Variants in LRRC19 observed in about 807,000 individuals in gnomAD.
The protein encoded by LRRC19 is leucine-rich repeat-containing protein 19.
LRRC19 carries 33 observed loss-of-function variants against 33.3 expected under a neutral mutation model. The ratio of observed to expected loss-of-function variants is 0.99; its 90% CI spans 0.75 to 1.33. The LOEUF (loss-of-function observed/expected upper bound fraction) is 1.33. Ranked by LOEUF, LRRC19 falls within the 40% of genes most tolerant of loss-of-function variation. The pLI is 0.00. For synonymous variants in LRRC19, 184 were observed against 152.3 expected, an observed-to-expected ratio of 1.21 and a Z score of -1.53; for missense variants, 463 against 417.3, an observed-to-expected ratio of 1.11 and a Z score of -0.95.
intron 2 of LRRC19, among the ~76,000 whole-genome samples, chr9:26,999,168 A>T (rs1437792746): frequency 6.6e-6 from 1 of 152,202 alleles, no homozygotes; most frequent in Admixed American, 6.5e-5. Flanking sequence ...CTTTATGTGG[A>T]TATAGATGGA....
Position 26,996,319 on chromosome 9 carries a change from CTTG to C in LRRC19, c.773_775del (p.Thr258del), listed in dbSNP as rs1462099395. ...TAGAACCAGTATATTACCTGAATTT[CTTG>C]TTAAGTTGTTCGAAGAGCTATTAAA... On this transcript the variant is annotated inframe_deletion, in exon 4 of 5. Transcript: ENST00000380055. 1 of 1,580,854 alleles carries C rather than the reference CTTG, an allele frequency of 6.3e-7. No homozygotes were observed. Among genetic ancestry groups the C allele is most frequent in the Non-Finnish European group, 8.6e-7 (1 of 1,156,960 alleles).
rs907411282 is a variant in LRRC19 at position 26,994,706 on chromosome 9, T to C, written c.*815A>G. ...ACAATTTGGGAAACATTGCTCTATC[T>C]ACTGAATAGATAGAAATAGCTGTCC... On this transcript the variant is annotated 3_prime_UTR_variant, in exon 5 of 5. Transcript: ENST00000380055. The C allele has an allele frequency of 6.6e-6, 1 of 152,624 alleles. No homozygotes were observed. Among genetic ancestry groups the C allele is most frequent in the Admixed American group, 6.5e-5 (1 of 15,272 alleles). The allele number at this position is 152,624 out of a possible 1,614,324, so 9.5% of individuals were successfully genotyped here.
At chr9:27,001,190 T>A (rs1180915676) in intron 1 of LRRC19, among the ~76,000 whole-genome samples, 6 of 152,190 alleles carry the variant, frequency 3.9e-5, no homozygotes, top group Non-Finnish European at 7.3e-5. Context: ...CTACTTTTTT[T>A]TAATCCATTC....
intron 1 of LRRC19, among the ~76,000 whole-genome samples, chr9:27,004,817 AC>A (rs1298235651): frequency 1.3e-5 from 2 of 152,174 alleles, no homozygotes; most frequent in African/African-American, 4.8e-5. Flanking sequence ...TCACAAAATT[AC>A]GTGCATTTTT....
Position 26,995,599 on chromosome 9 carries a change from T to C in LRRC19, c.1035A>G (p.Leu345=). Residue 345 remains leucine, a synonymous_variant, in exon 5 of 5, where the codon TTA becomes TTG. Coordinates refer to ENST00000380055, the MANE Select transcript of LRRC19 (RefSeq NM_022901.3). ...CATCATCATCTACCACAAATGAATG[T>C]AATTGTTCAAATATTACTGTAGTTT... ...SEETTVIFEQ[L]HSFVVDDDGF... is the part of the protein sequence containing the mutation. The C allele has an allele frequency of 6.2e-7, 1 of 1,607,346 alleles. No homozygotes were observed. Among genetic ancestry groups the C allele is most frequent in the Non-Finnish European group, 8.5e-7 (1 of 1,173,956 alleles).
intron 1 of LRRC19, among the ~76,000 whole-genome samples, 163 bp from the exon 2 acceptor site, chr9:26,999,866 G>GGCT (rs1828384413): frequency 1.4e-5 from 2 of 144,014 alleles, no homozygotes; most frequent in African/African-American, 5.2e-5. Context: ...TGATCTCCCA[G>GGCT]GCTTAAGCAG....
At chr9:26,996,844 T>A (rs1382773902) in intron 3 of LRRC19, among the ~76,000 whole-genome samples, 1 of 152,174 alleles carries the variant, frequency 6.6e-6, no homozygotes, top group South Asian at 2.1e-4. Flanking sequence ...GAAGCACTTT[T>A]AAAAAATTAG....
chr9:26,996,612 A>G (rs1828173451), intron 3 of LRRC19, 113 bp from the exon 4 acceptor site: 2 of 644,834 alleles, frequency 3.1e-6, no homozygotes, highest in African/African-American at 1.9e-5. Context: ...AAGGCATTAT[A>G]AGAAATTCCT....
At chr9:26,996,916 C>A (rs1056856728) in intron 3 of LRRC19, among the ~76,000 whole-genome samples, 1 of 152,074 alleles carries the variant, frequency 6.6e-6, no homozygotes, top group African/African-American at 2.4e-5. Context: ...ATGTATAGAA[C>A]ATTTACATTT....
intron 3 of LRRC19, 30 bp downstream of exon 3, chr9:26,997,698 T>G: frequency 5.8e-6 from 9 of 1,555,042 alleles, no homozygotes; most frequent in Non-Finnish European, 6.9e-6. Context: ...GTTAATCACA[T>G]TTTGGTTTTG....
chr9:26,998,188 G>C lies in LRRC19; in HGVS notation c.135C>G (p.Ile45Met), dbSNP rs748115351. ...GATCAAGTATAGTAACATCTTTCTT[G>C]ATATCTGCTGGAATCAAGGTATAAT... ...EKNYTLIPAD[I>M]KKDVTILDLS... is the part of the protein sequence containing the mutation. Residue 45 changes from isoleucine (I) to methionine (M), a missense_variant, in exon 3 of 5, where the codon ATC becomes ATG. Coordinates refer to ENST00000380055, the MANE Select transcript of LRRC19 (RefSeq NM_022901.3). The C allele has an allele frequency of 1.3e-6, 2 of 1,563,016 alleles. No homozygotes were observed. The highest frequency in any genetic ancestry group is 8.7e-7 in the Non-Finnish European group (1 of 1,150,508).
Position 26,999,718 on chromosome 9 carries a change from A to G in LRRC19, c.-9-15T>C. The G allele has an allele frequency of 6.8e-7, 1 of 1,463,074 alleles. No homozygotes were observed. The highest frequency in any genetic ancestry group is 2.3e-5 in the East Asian group (1 of 42,562). 90.6% of individuals were successfully genotyped at this position (1,463,074 alleles called of 1,614,324 possible). ...ATGTTGCAGACCTGATAGAAAAGAG[A>G]GTATTTTCATTAAGGACATTTTTAT... On this transcript the variant is annotated splice_polypyrimidine_tract_variant and intron_variant, in intron 1 of 4. Transcript: ENST00000380055.
In LRRC19 at chr9:26,993,139, A is replaced by G. The variant is rs1237499966; in HGVS notation, c.*2382T>C. 6.6e-6 allele frequency: 1 copy of G among 151,930 alleles called. No homozygotes were observed. The highest frequency in any genetic ancestry group is 1.5e-5 in the Non-Finnish European group (1 of 67,942). 9.4% of individuals were successfully genotyped at this position (151,930 alleles called of 1,614,324 possible). ...TGTAATTATAATTTTATACCCATTT[A>G]TTTTTCTTTGTGTAGTCAGATATTT... On this transcript the variant is annotated 3_prime_UTR_variant, in exon 5 of 5. Transcript: ENST00000380055.
At position 26,993,661 on chromosome 9, in the gene LRRC19, T is replaced by G. The variant is rs1419177114; in HGVS notation, c.*1860A>C. ...TCAAGTACATACAAATTTTTAAAAC[T>G]TTATTATATACATAAACAATTTGAA... On this transcript the variant is annotated 3_prime_UTR_variant, in exon 5 of 5. Coordinates refer to ENST00000380055, the MANE Select transcript of LRRC19 (RefSeq NM_022901.3). The G allele has an allele frequency of 6.6e-6, 1 of 152,232 alleles. No homozygotes were observed. The highest frequency in any genetic ancestry group is 6.5e-5 in the Admixed American group (1 of 15,280). 9.4% of individuals were successfully genotyped at this position (152,232 alleles called of 1,614,324 possible).
chr9:27,002,288 T>G (rs1188487814), intron 1 of LRRC19, among the ~76,000 whole-genome samples: 1 of 152,250 alleles, frequency 6.6e-6, no homozygotes, highest in East Asian at 1.9e-4. Context: ...TGTGCCACTT[T>G]CATGCGGGTC....
rs987862218 is a variant in LRRC19, at chr9:26,993,656, A to T, written c.*1865T>A. 2.6e-5 allele frequency: 4 copies of T among 152,250 alleles called. No individual in the cohort carries two copies. Among genetic ancestry groups the T allele is most frequent in the Non-Finnish European group, 5.9e-5 (4 of 68,008 alleles). The allele number at this position is 152,250 out of a possible 1,614,324, so 9.4% of individuals were successfully genotyped here. ...AATTGTCAAGTACATACAAATTTTT[A>T]AAACTTTATTATATACATAAACAAT... On this transcript the variant is annotated 3_prime_UTR_variant, in exon 5 of 5. Coordinates refer to ENST00000380055, the MANE Select transcript of LRRC19 (RefSeq NM_022901.3).
chr9:26,995,325 A>G lies in LRRC19; in HGVS notation c.*196T>C, dbSNP rs1038733551. The G allele has an allele frequency of 6.1e-6, 3 of 493,928 alleles. No individual in the cohort carries two copies. Among genetic ancestry groups the G allele is most frequent in the Non-Finnish European group, 1.1e-5 (3 of 273,428 alleles). The allele number at this position is 493,928 out of a possible 1,614,324, so 30.6% of individuals were successfully genotyped here. ...ATTGTAGACTATGTAACTGTCAACT[A>G]CCGAGGAGTGTCAGTTACTGTATTT... On this transcript the variant is annotated 3_prime_UTR_variant, in exon 5 of 5. Coordinates refer to ENST00000380055, the MANE Select transcript of LRRC19 (RefSeq NM_022901.3).
intron 1 of LRRC19, among the ~76,000 whole-genome samples, chr9:27,000,958 C>T (rs1433299577): frequency 3.3e-5 from 5 of 152,178 alleles, no homozygotes; most frequent in Non-Finnish European, 7.4e-5. Flanking sequence ...ATTCCTCCCT[C>T]CCTACCACCC....
At chr9:26,996,648 A>C (rs766380665) in intron 3 of LRRC19, 149 bp from the exon 4 acceptor site, 2 of 468,512 alleles carry the variant, frequency 4.3e-6, no homozygotes, top group East Asian at 3.4e-5. Context: ...CAACATAATG[A>C]AAGAATGATG....
Sources: gnomAD v4.1 joint callset for allele counts (sites outside exome capture counted in the v4.1 genomes callset) on GRCh38, gnomAD v4.1.1 for gene constraint, MANE v1.5 for transcripts, NCBI Gene and HGNC (gene_info 2026-07-23, HGNC 2026-07-21) for gene names.